PKHD1: variants seen among roughly 807,000 people sequenced by gnomAD.
PKHD1 encodes the protein PKHD1 ciliary IPT domain containing fibrocystin/polyductin.
In PKHD1, 291 loss-of-function variants were observed where a neutral mutation model predicts 412.0. That is an observed-to-expected ratio of 0.71 (90% CI 0.64 to 0.78). The LOEUF (loss-of-function observed/expected upper bound fraction) is 0.78. PKHD1 is among the 30% of genes least tolerant of loss of function. PKHD1 has a pLI of 0.00. For synonymous variants in PKHD1, 1,777 were observed against 1,821.5 expected, an observed-to-expected ratio of 0.98 and a Z score of 0.62; for missense variants, 4,825 against 4,950.7, an observed-to-expected ratio of 0.97 and a Z score of 0.76.
chr6:51,941,236 C>CTTTTTT (rs539546758), intron 36 of PKHD1, among the ~76,000 whole-genome samples: 12 of 63,018 alleles, frequency 1.9e-4, no homozygotes, highest in African/African-American at 4.5e-4. Context: ...ACAGCATGGC[C>CTTTTTT]TTTTTTTTTT....
rs943155981 is a variant in PKHD1 at position 52,020,916 on chromosome 6, A to G, written c.5380+1885T>C. Among the ~76,000 whole-genome samples, 3 of 660 alleles carry G rather than the reference A, an allele frequency of 4.5e-3. No homozygotes were observed. In the Non-Finnish European group the frequency reaches 0.088, roughly 19 times the overall value. 0.4% of individuals were successfully genotyped at this position (660 alleles called of 152,430 possible). A position where few individuals can be genotyped will look rare whatever the true frequency, so the allele number is the denominator to read the frequency against. On this transcript the variant is annotated intron_variant, in intron 33 of 66. Transcript: ENST00000371117. ...CCATTATAGACCTACTTCCTAGGGA[A>G]AAAAAAAAAATACACAGTCATACAC...
chr6:51,641,428 C>A (rs988661976), intron 63 of PKHD1, among the ~76,000 whole-genome samples: 2 of 152,120 alleles, frequency 1.3e-5, no homozygotes, highest in African/African-American at 4.8e-5. Flanking sequence ...AATAGTAATC[C>A]TTTTACACTG....
chr6:51,705,960 A>C (rs976728145), intron 60 of PKHD1, among the ~76,000 whole-genome samples: 2 of 152,174 alleles, frequency 1.3e-5, no homozygotes, highest in African/African-American at 4.8e-5. Flanking sequence ...AAATTCAATT[A>C]AATAAACTTA....
At chr6:51,831,891 A>C (rs532117841) in intron 51 of PKHD1, among the ~76,000 whole-genome samples, 6 of 152,270 alleles carry the variant, frequency 3.9e-5, no homozygotes, top group Admixed American at 3.9e-4. Flanking sequence ...ATCACGCACA[A>C]CACCATGCTG....
At chr6:51,745,942 C>A (rs1350430014) in intron 59 of PKHD1, among the ~76,000 whole-genome samples, 1 of 152,082 alleles carries the variant, frequency 6.6e-6, no homozygotes, top group African/African-American at 2.4e-5. Context: ...AAAAGAGACT[C>A]GTGTTAAGCC....
At chr6:51,725,972 G>A (rs1247619614) in intron 60 of PKHD1, among the ~76,000 whole-genome samples, 1 of 152,090 alleles carries the variant, frequency 6.6e-6, no homozygotes, top group African/African-American at 2.4e-5. Context: ...ATGCAGCTCT[G>A]GTGGCCTTGA....
At chr6:51,664,572 T>C (rs1278218615) in intron 60 of PKHD1, among the ~76,000 whole-genome samples, 4 of 152,160 alleles carry the variant, frequency 2.6e-5, no homozygotes, top group Admixed American at 1.3e-4. Context: ...TGGATAAACA[T>C]TTATTTGGAT....
intron 39 of PKHD1, 44 bp from the exon 40 acceptor site, chr6:51,909,518 C>G (rs1241590706): frequency 6.8e-7 from 1 of 1,474,914 alleles, no homozygotes; most frequent in African/African-American, 1.4e-5. Flanking sequence ...GCATGTAGAA[C>G]ATGCTTCCAG....
At chr6:51,675,485 G>C (rs929858349) in intron 60 of PKHD1, among the ~76,000 whole-genome samples, 1 of 152,060 alleles carries the variant, frequency 6.6e-6, no homozygotes, top group Non-Finnish European at 1.5e-5. Flanking sequence ...TAATCATAAT[G>C]TCATTTACAA....
chr6:52,079,728 G>T (rs116488010), intron 5 of PKHD1, among the ~76,000 whole-genome samples, 172 bp downstream of exon 5: 9 of 152,092 alleles, frequency 5.9e-5, no homozygotes, highest in South Asian at 2.1e-4. Flanking sequence ...ACATACAAAC[G>T]TTCAAAATTC....
At position 52,017,464 on chromosome 6, in the gene PKHD1, A is replaced by C; in HGVS notation, c.5546T>G (p.Val1849Gly). The C allele has an allele frequency of 1.2e-6, 2 of 1,614,132 alleles. No individual in the cohort carries two copies. The highest frequency in any genetic ancestry group is 1.7e-6 in the Non-Finnish European group (2 of 1,179,942). ...ICEESSQCLF[V>G]PDHWAESMFP... ...CATTGACTCTGCCCAATGATCTGGCACAAAGAGGCATTGGGAACTTTCCTC... is the reference window on the plus strand; with the variant it reads ...CATTGACTCTGCCCAATGATCTGGCCCAAAGAGGCATTGGGAACTTTCCTC... Residue 1849 changes from valine (V) to glycine (G), a missense_variant, in exon 34 of 67, where the codon GTG becomes GGG. Val to Gly is a moderately radical substitution (Grantham distance 109). Transcript: ENST00000371117.
chr6:52,044,839 C>A lies in PKHD1; in HGVS notation c.2715+127G>T, dbSNP rs1805520285. 4 of 974,736 alleles carry A rather than the reference C, an allele frequency of 4.1e-6. No individual in the cohort carries two copies. In the East Asian group the frequency reaches 9.6e-5, roughly 23 times the overall value. The allele number at this position is 974,736 out of a possible 1,614,324, so 60.4% of individuals were successfully genotyped here. The stretch of plus-strand genomic sequence containing the variant: ...GGTAGAAAAAGGACAGCCATAAGTA[C>A]CCCTGTTTTACACATTGGCAAAATG... On this transcript the variant is annotated intron_variant, in intron 25 of 66. Transcript: ENST00000371117.
intron 64 of PKHD1, among the ~76,000 whole-genome samples, chr6:51,634,416 CA>C (rs1286435742): frequency 2.6e-5 from 4 of 152,166 alleles, no homozygotes; most frequent in African/African-American, 9.7e-5. Flanking sequence ...TAAGCTCAAT[CA>C]GGCACAGAGA....
chr6:51,885,543 A>C (rs1778070105), intron 45 of PKHD1, among the ~76,000 whole-genome samples: 1 of 152,120 alleles, frequency 6.6e-6, no homozygotes, highest in African/African-American at 2.4e-5. Flanking sequence ...CTAAGTAGAG[A>C]TGGAAAGAAG....
At chr6:51,684,056 G>A (rs924937989) in intron 60 of PKHD1, among the ~76,000 whole-genome samples, 1 of 152,106 alleles carries the variant, frequency 6.6e-6, no homozygotes, top group African/African-American at 2.4e-5. Context: ...AACATTTCCT[G>A]AGTATGTACC....
At chr6:52,072,478 A>C (rs1232062545) in intron 7 of PKHD1, among the ~76,000 whole-genome samples, 2 of 152,180 alleles carry the variant, frequency 1.3e-5, no homozygotes, top group Admixed American at 6.6e-5. Context: ...ATAATATTGC[A>C]TTTATGCCTT....
chr6:51,795,265 A>T (rs1794420256), intron 52 of PKHD1, among the ~76,000 whole-genome samples: 1 of 152,130 alleles, frequency 6.6e-6, no homozygotes, highest in Non-Finnish European at 1.5e-5. Context: ...CTGTATTCAC[A>T]GGTATTTTAC....
intron 65 of PKHD1, among the ~76,000 whole-genome samples, chr6:51,631,499 G>A (rs1272870170): frequency 6.6e-6 from 1 of 152,190 alleles, no homozygotes; most frequent in African/African-American, 2.4e-5. Flanking sequence ...TGTTGTAGTA[G>A]TGGGACTATG....
At chr6:51,752,038 C>T (rs894420033) in intron 57 of PKHD1, among the ~76,000 whole-genome samples, 1 of 152,138 alleles carries the variant, frequency 6.6e-6, no homozygotes, top group Non-Finnish European at 1.5e-5. Context: ...AAGAACTGGC[C>T]TTCTGTCCTG....
Sources: allele counts gnomAD v4.1 joint callset (sites outside exome capture counted in the v4.1 genomes callset), GRCh38; gene constraint gnomAD v4.1.1; transcripts MANE v1.5; gene names NCBI Gene and HGNC (gene_info 2026-07-23, HGNC 2026-07-21).